The following FNTB variants were observed in gnomAD, a reference collection of about 807,000 sequenced individuals.
FNTB encodes farnesyltransferase, CAAX box, subunit beta.
A neutral mutation model predicts 59.4 loss-of-function variants in FNTB; 27 were observed. The ratio of observed to expected loss-of-function variants is 0.45; its 90% CI spans 0.34 to 0.63. FNTB has a LOEUF of 0.63. FNTB is among the 20% of genes least tolerant of loss of function. The pLI is 0.02. For missense variants in FNTB, 449 were observed against 559.6 expected, an observed-to-expected ratio of 0.80 and a Z score of 1.99; for synonymous variants, 230 against 220.7, an observed-to-expected ratio of 1.04 and a Z score of -0.37.
rs1008927639 is a variant in FNTB at position 64,991,324 on chromosome 14, G to A, written c.144+4227G>A. Among the ~76,000 whole-genome samples, 4 of 152,094 alleles carry A rather than the reference G, an allele frequency of 2.6e-5. No individual in the cohort carries two copies. The highest frequency in any genetic ancestry group is 9.7e-5 in the African/African-American group (4 of 41,396). ...ATAAAAAAGAATATGCTGTAAGGCC[G>A]AGTGCGGTGGCTCACTCCTGTAATC... On this transcript the variant is annotated intron_variant, in intron 1 of 11. Coordinates refer to ENST00000246166, the MANE Select transcript of FNTB (RefSeq NM_002028.4). This position sits in a 1 kb window ranked among gnomAD's most constrained non-coding sequence, Gnocchi z 4.4.
At position 64,994,651 on chromosome 14, in the gene FNTB, A is replaced by G. The variant is rs1239000982; in HGVS notation, c.144+7554A>G. 6.6e-6 allele frequency among the ~76,000 whole-genome samples: 1 copy of G among 152,236 alleles called. No individual in the cohort carries two copies. Among genetic ancestry groups the G allele is most frequent in the Non-Finnish European group, 1.5e-5 (1 of 68,038 alleles). ...AATATGTTATAAAAGATAAAAAATG[A>G]TAGACCTATCTAGGGAACTTAGCAT... is the stretch of plus-strand genomic sequence containing the variant. On this transcript the variant is annotated intron_variant, in intron 1 of 11. Transcript: ENST00000246166. This position sits in a 1 kb window ranked among gnomAD's most constrained non-coding sequence, Gnocchi z 4.2.
intron 2 of FNTB, 63 bp downstream of exon 2, chr14:65,004,376 C>T (rs1164061757): frequency 5.8e-6 from 9 of 1,547,086 alleles, no homozygotes; most frequent in Non-Finnish European, 7.9e-6. Flanking sequence ...AGCCTTTCTT[C>T]TTTCCTCCTT....
rs767329195 is a variant in FNTB, at chr14:65,011,431, GAA to G, written c.210-866_210-865del. Among the ~76,000 whole-genome samples the G allele has an allele frequency of 2.4e-4, 19 of 80,056 alleles. No individual in the cohort carries two copies. The South Asian group carries it at 2.7e-3, about 11-fold the overall frequency. The allele number at this position is 80,056 out of a possible 152,430, so 52.5% of individuals were successfully genotyped here. ...GTGACAGAGCGAGACTCCGTCTCAG[GAA>G]AAAAAAAAAAAAAAAAAAAGACTGC... is the stretch of plus-strand genomic sequence containing the variant. On this transcript the variant is annotated intron_variant, in intron 2 of 11. Coordinates refer to ENST00000246166, the MANE Select transcript of FNTB (RefSeq NM_002028.4). The surrounding 1 kb of genome is among the most constrained non-coding windows in gnomAD (Gnocchi z 4.0).
At position 65,044,490 on chromosome 14, in the gene FNTB, C is replaced by T. The variant is rs780923374; in HGVS notation, c.955+47C>T. 12 of 1,572,058 alleles carry T rather than the reference C, an allele frequency of 7.6e-6. No homozygotes were observed. Among genetic ancestry groups the T allele is most frequent in the Admixed American group, 4.1e-5 (2 of 48,476 alleles). ...CTTGGGGCTGGATGATTTCCCTCCA[C>T]TACTCACAAAGTCTGGAAGCCCAGC... On this transcript the variant is annotated intron_variant, in intron 9 of 11. Transcript: ENST00000246166. The surrounding 1 kb of genome is among the most constrained non-coding windows in gnomAD (Gnocchi z 5.5).
In FNTB at chr14:65,016,684, C is replaced by T. The variant is rs531442678; in HGVS notation, c.374+968C>T. Among the ~76,000 whole-genome samples the T allele has an allele frequency of 2.0e-3, 301 of 152,334 alleles. 2 individuals are homozygous for T. The highest frequency in any genetic ancestry group is 6.9e-3 in the African/African-American group (286 of 41,568). On this transcript the variant is annotated intron_variant, in intron 4 of 11. Coordinates refer to ENST00000246166, the MANE Select transcript of FNTB (RefSeq NM_002028.4). ...TCATTCATTCTGTCTTAACAATAAC[C>T]TCTCATTCTTGCCTTCCTGGGCAGG...
chr14:65,004,432 C>T (rs1034347953), intron 2 of FNTB, 119 bp downstream of exon 2: 1 of 1,107,222 alleles, frequency 9.0e-7, no homozygotes, highest in African/African-American at 1.6e-5. Context: ...AATGGTGTTT[C>T]TTGTCCTTGT....
rs777276109 is a variant in FNTB, at chr14:65,032,570, TC to T, written c.606-38del. On this transcript the variant is annotated intron_variant, in intron 6 of 11. Transcript: ENST00000246166. The surrounding 1 kb of genome is among the most constrained non-coding windows in gnomAD (Gnocchi z 5.0). ...GAGTTCACTGAGCCTCATTAGCTCTTCCGTAGAGCTTAATGTGTTTCCCGTT... is the reference window on the plus strand; with the variant it reads ...GAGTTCACTGAGCCTCATTAGCTCTTCGTAGAGCTTAATGTGTTTCCCGTT... The T allele has an allele frequency of 1.2e-6, 2 of 1,606,240 alleles. No homozygotes were observed. Among genetic ancestry groups the T allele is most frequent in the African/African-American group, 1.3e-5 (1 of 74,674 alleles).
At position 65,061,981 on chromosome 14, in the gene FNTB, CCCCAGGTGTGGTGACTTAGA is replaced by C. The variant is rs1241887271; in HGVS notation, c.*672_*691del. 6.6e-6 allele frequency: 1 copy of C among 152,494 alleles called. No homozygotes were observed. The highest frequency in any genetic ancestry group is 1.5e-5 in the Non-Finnish European group (1 of 68,260). The allele number at this position is 152,494 out of a possible 1,614,324, so 9.4% of individuals were successfully genotyped here. On this transcript the variant is annotated 3_prime_UTR_variant, in exon 12 of 12. Transcript: ENST00000246166. Reference sequence around the variant, plus strand: ...GGTGCACAGGCAAGACTTGCTTCAGCCCCAGGTGTGGTGACTTAGACCTAGGAAACCAATTATGAGTGGAA... The same window carrying C: ...GGTGCACAGGCAAGACTTGCTTCAGCCCTAGGAAACCAATTATGAGTGGAA...
rs115495439 is a variant in FNTB at position 64,998,409 on chromosome 14, A to G, written c.145-5840A>G. 2.3e-3 allele frequency among the ~76,000 whole-genome samples: 345 copies of G among 152,278 alleles called. 2 individuals are homozygous for G. Among genetic ancestry groups the G allele is most frequent in the African/African-American group, 7.9e-3 (330 of 41,574 alleles). Reference sequence around the variant, plus strand: ...TTTTTCAAGGAATAATGAGGATTATATAATTCTTTTAAGATAATTATTATT... The same window carrying G: ...TTTTTCAAGGAATAATGAGGATTATGTAATTCTTTTAAGATAATTATTATT... On this transcript the variant is annotated intron_variant, in intron 1 of 11. Transcript: ENST00000246166.
At chr14:65,041,858 AG>A (rs909274841) in intron 8 of FNTB, among the ~76,000 whole-genome samples, 1 of 152,228 alleles carries the variant, frequency 6.6e-6, no homozygotes, top group African/African-American at 2.4e-5. Flanking sequence ...GAAACAAAAA[AG>A]TCCCATCTCC....
chr14:65,002,789 A>G (rs570667139), intron 1 of FNTB, among the ~76,000 whole-genome samples: 28 of 151,706 alleles, frequency 1.8e-4, no homozygotes, highest in African/African-American at 6.3e-4. Flanking sequence ...GAGTTTGTTG[A>G]TTGATTGAAA....
rs1238731038 is a variant in FNTB, at chr14:65,008,108, C to T, written c.209+3795C>T. 2.6e-5 allele frequency among the ~76,000 whole-genome samples: 4 copies of T among 152,326 alleles called. No homozygotes were observed. The East Asian group carries it at 5.8e-4, about 22-fold the overall frequency. On this transcript the variant is annotated intron_variant, in intron 2 of 11. Transcript: ENST00000246166. ...TTCTTACTGTTGTTCTTTCCAAGGT[C>T]TCACAAATAAGTTCACCTTTCCTCG...
intron 11 of FNTB, among the ~76,000 whole-genome samples, chr14:65,055,074 T>C (rs1344368991): frequency 6.6e-6 from 1 of 152,222 alleles, no homozygotes; most frequent in Non-Finnish European, 1.5e-5. Flanking sequence ...CTGCCGCGTC[T>C]CTCCCAGAGG....
rs2062017918 is a variant in FNTB, at chr14:65,028,179, T to C, written c.605+398T>C. On this transcript the variant is annotated intron_variant, in intron 6 of 11. Coordinates refer to ENST00000246166, the MANE Select transcript of FNTB (RefSeq NM_002028.4). This position sits in a 1 kb window ranked among gnomAD's most constrained non-coding sequence, Gnocchi z 4.4. ...CTTCTGAGTGAATTTGATGAAATCA[T>C]GAGAATGTCTAATCCCTGAGGTCCT... 6.6e-6 allele frequency among the ~76,000 whole-genome samples: 1 copy of C among 152,316 alleles called. No individual in the cohort carries two copies. Among genetic ancestry groups the C allele is most frequent in the East Asian group, 1.9e-4 (1 of 5,186 alleles).
intron 10 of FNTB, 69 bp downstream of exon 10, chr14:65,053,418 C>A: frequency 8.1e-7 from 1 of 1,236,420 alleles, no homozygotes; most frequent in East Asian, 3.0e-5. Context: ...CACCTCAGGC[C>A]TACTCAGAGC....
At position 65,028,067 on chromosome 14, in the gene FNTB, A is replaced by T. The variant is rs2062016382; in HGVS notation, c.605+286A>T. ...GTTTGGTACAAAATGATATACCACA[A>T]TATAAATAACTGTATGGTGTAATGT... On this transcript the variant is annotated intron_variant, in intron 6 of 11. Transcript: ENST00000246166. The surrounding 1 kb of genome is among the most constrained non-coding windows in gnomAD (Gnocchi z 4.4). Among the ~76,000 whole-genome samples the T allele has an allele frequency of 6.6e-6, 1 of 152,246 alleles. No individual in the cohort carries two copies. Among genetic ancestry groups the T allele is most frequent in the Non-Finnish European group, 1.5e-5 (1 of 68,042 alleles).
intron 7 of FNTB, among the ~76,000 whole-genome samples, chr14:65,040,130 C>T (rs1417574472): frequency 6.6e-6 from 1 of 152,122 alleles, no homozygotes; most frequent in Non-Finnish European, 1.5e-5. Context: ...GTTGAGGCTG[C>T]AGTGAGCCAT....
chr14:64,993,553 AT>A (rs925205790), intron 1 of FNTB, among the ~76,000 whole-genome samples: 1 of 152,042 alleles, frequency 6.6e-6, no homozygotes, highest in Non-Finnish European at 1.5e-5. Flanking sequence ...CTGAGAGAGA[AT>A]TTTTTTTGAA....
chr14:65,040,716 CA>C, intron 7 of FNTB, 73 bp from the exon 8 acceptor site: 1 of 1,462,692 alleles, frequency 6.8e-7, no homozygotes, highest in Non-Finnish European at 9.1e-7. Context: ...TTTTCTCTGC[CA>C]CCTAGGATGG....
Sources: allele counts gnomAD v4.1 joint callset (sites outside exome capture counted in the v4.1 genomes callset), GRCh38; gene constraint gnomAD v4.1.1; non-coding constraint Gnocchi (gnomAD v3.1); transcripts MANE v1.5; gene names NCBI Gene and HGNC (gene_info 2026-07-23, HGNC 2026-07-21).